NME5: variants seen among roughly 807,000 people sequenced by gnomAD.
The protein encoded by NME5 is nucleoside diphosphate kinase 5.
In NME5, 18 loss-of-function variants were observed where a neutral mutation model predicts 21.6. The observed-to-expected ratio is 0.83, with a 90% CI of 0.58 to 1.24. The LOEUF is 1.24. NME5 is among the 50% of genes most tolerant of loss of function. The probability of loss-of-function intolerance (pLI) is 0.00; values close to 1 mark genes in which losing one functional copy is unlikely to be tolerated. For missense variants in NME5, 223 were observed against 255.4 expected (o/e 0.87, Z 0.86); for synonymous variants, 70 against 80.6 (o/e 0.87, Z 0.71).
chr5:138,119,927 T>A (rs951294768), intron 4 of NME5, among the ~76,000 whole-genome samples: 4 of 149,152 alleles, frequency 2.7e-5, no homozygotes, highest in African/African-American at 9.7e-5. Context: ...TTCATATTTT[T>A]AAAAATTTAA....
intron 4 of NME5, among the ~76,000 whole-genome samples, chr5:138,121,794 G>A (rs1751290971): frequency 6.6e-6 from 1 of 152,058 alleles, no homozygotes. Flanking sequence ...TTTAAACTCA[G>A]CTTGTCAATG....
chr5:138,131,657 T>C (rs1751570602), intron 2 of NME5, among the ~76,000 whole-genome samples: 1 of 152,080 alleles, frequency 6.6e-6, no homozygotes, highest in Non-Finnish European at 1.5e-5. Context: ...ACTATAAAAA[T>C]TAATCAGGTT....
At chr5:138,137,595 C>T (rs1444826868) in intron 2 of NME5, among the ~76,000 whole-genome samples, 1 of 150,306 alleles carries the variant, frequency 6.7e-6, no homozygotes, top group Non-Finnish European at 1.5e-5. Flanking sequence ...GGATTACAGG[C>T]GTGAGCCACC....
chr5:138,122,348 G>A (rs1198070600), intron 4 of NME5, among the ~76,000 whole-genome samples: 2 of 149,608 alleles, frequency 1.3e-5, no homozygotes, highest in East Asian at 2.0e-4. Context: ...GCTGAAGCAG[G>A]AGAATCGCTT....
rs767975701 is a variant in NME5, at chr5:138,124,894, TAA to T, written c.436+3583_436+3584del. Among the ~76,000 whole-genome samples, 68 of 152,184 alleles carry T rather than the reference TAA, an allele frequency of 4.5e-4. 3 individuals are homozygous for T. Among genetic ancestry groups the T allele is most frequent in the Admixed American group, 6.6e-5 (1 of 15,260 alleles). ...TTACATGGATGAACTTTAAGTTTTT[TAA>T]GTTTTCTCTCATCCTTGTTTTATTT... On this transcript the variant is annotated intron_variant, in intron 4 of 5. Transcript: ENST00000265191.
At chr5:138,135,234 C>T (rs1323972935) in intron 2 of NME5, among the ~76,000 whole-genome samples, 3 of 143,056 alleles carry the variant, frequency 2.1e-5, no homozygotes, top group South Asian at 4.6e-4. Context: ...AGGAGAATGG[C>T]GTGAACCTGG....
chr5:138,129,888 C>A (rs1000769243), intron 2 of NME5, among the ~76,000 whole-genome samples: 17 of 152,118 alleles, frequency 1.1e-4, no homozygotes, highest in African/African-American at 4.1e-4. Context: ...ACCCGGGAGG[C>A]GGAGGTTGCA....
At chr5:138,132,298 C>T (rs1332170883) in intron 2 of NME5, among the ~76,000 whole-genome samples, 1 of 151,842 alleles carries the variant, frequency 6.6e-6, no homozygotes, top group Non-Finnish European at 1.5e-5. Context: ...TGCAGTGAGC[C>T]GAAATCATGC....
intron 3 of NME5, 39 bp from the exon 4 acceptor site, chr5:138,128,618 G>GTC (rs1751487998): frequency 1.4e-6 from 2 of 1,411,832 alleles, no homozygotes; most frequent in African/African-American, 2.9e-5. Context: ...CCAATCTAAC[G>GTC]TCTATTCCTT....
chr5:138,131,204 TA>T (rs762579967), intron 2 of NME5, among the ~76,000 whole-genome samples: 1,057 of 80,856 alleles, frequency 0.013, 14 homozygotes, highest in African/African-American at 0.052. Flanking sequence ...CCGTCTCTGC[TA>T]AAAAAAAAAA....
chr5:138,120,751 GA>G (rs1456097064), intron 4 of NME5, among the ~76,000 whole-genome samples: 4 of 152,098 alleles, frequency 2.6e-5, no homozygotes, highest in African/African-American at 9.7e-5. Context: ...TGTATGCTAT[GA>G]AACAAGGGTC....
In NME5 at chr5:138,130,556, A is replaced by G. The variant is rs1452039911; in HGVS notation, c.130-1088T>C. 3.3e-5 allele frequency among the ~76,000 whole-genome samples: 5 copies of G among 152,340 alleles called. No homozygotes were observed. The East Asian group carries it at 9.6e-4, about 29-fold the overall frequency. On this transcript the variant is annotated intron_variant, in intron 2 of 5. Transcript: ENST00000265191. ...GTAATCCCAACACTCTGGGAGGCCA[A>G]GACAGGCAGATCACTTGAGGTCAGG...
intron 4 of NME5, among the ~76,000 whole-genome samples, chr5:138,122,111 T>C (rs1240127482): frequency 6.6e-6 from 1 of 152,160 alleles, no homozygotes; most frequent in Non-Finnish European, 1.5e-5. Context: ...TTCTTTGTTT[T>C]TCAGTGTACA....
intron 3 of NME5, 101 bp downstream of exon 3, chr5:138,129,162 C>T: frequency 2.8e-6 from 3 of 1,060,040 alleles, no homozygotes; most frequent in Non-Finnish European, 4.1e-6. Context: ...GGAAAACTTC[C>T]AAATAAAAAA....
At chr5:138,120,651 T>A (rs569302273) in intron 4 of NME5, among the ~76,000 whole-genome samples, 2 of 152,232 alleles carry the variant, frequency 1.3e-5, no homozygotes, top group African/African-American at 2.4e-5. Context: ...TTTTAAGAAG[T>A]CTTTGTCCAA....
chr5:138,134,537 C>A (rs1381735977), intron 2 of NME5, among the ~76,000 whole-genome samples: 1 of 152,028 alleles, frequency 6.6e-6, no homozygotes, highest in Non-Finnish European at 1.5e-5. Context: ...AGCCACCGCA[C>A]CCAGCCCTAA....
At chr5:138,127,769 A>T in intron 4 of NME5, 2 of 723,414 alleles carry the variant, frequency 2.8e-6, no homozygotes, top group South Asian at 1.2e-4. Context: ...TTTGTTAGGC[A>T]AACAGTAAAT....
chr5:138,115,618 C>T lies in NME5; in HGVS notation c.*63G>A, dbSNP rs571746068. ...AAACCCTAGAAATAATTTTTTCAAACAGTAGAAGTACAGCCTTTTATAATA... is the reference window on the plus strand; with the variant it reads ...AAACCCTAGAAATAATTTTTTCAAATAGTAGAAGTACAGCCTTTTATAATA... On this transcript the variant is annotated 3_prime_UTR_variant, in exon 6 of 6. Coordinates refer to ENST00000265191, the MANE Select transcript of NME5 (RefSeq NM_003551.3). The T allele has an allele frequency of 1.1e-4, 112 of 978,480 alleles. 2 individuals are homozygous for T. The South Asian group carries it at 1.7e-3, about 15-fold the overall frequency. 60.6% of individuals were successfully genotyped at this position (978,480 alleles called of 1,614,324 possible).
chr5:138,120,696 A>C (rs1751268504), intron 4 of NME5, among the ~76,000 whole-genome samples: 1 of 152,148 alleles, frequency 6.6e-6, no homozygotes, highest in African/African-American at 2.4e-5. Flanking sequence ...TTTCTTTTAG[A>C]TGTTTTTACA....
Sources: gnomAD v4.1 joint callset for allele counts (sites outside exome capture counted in the v4.1 genomes callset) on GRCh38, gnomAD v4.1.1 for gene constraint, MANE v1.5 for transcripts, NCBI Gene and HGNC (gene_info 2026-07-23, HGNC 2026-07-21) for gene names.